CXADR: variants seen among roughly 807,000 people sequenced by gnomAD.
CXADR encodes the protein CXADR cell adhesion molecule, also known as coxsackievirus and adenovirus receptor.
In CXADR, 20 loss-of-function variants were observed where a neutral mutation model predicts 40.3. The observed-to-expected ratio is 0.50, with a 90% CI of 0.35 to 0.72. The LOEUF (loss-of-function observed/expected upper bound fraction) is 0.72. Ranked by LOEUF, CXADR falls within the 30% of genes least tolerant of loss-of-function variation. The pLI is 0.01. For missense variants in CXADR, 332 were observed against 449.1 expected (o/e 0.74, Z 2.36); for synonymous variants, 150 against 161.3 (o/e 0.93, Z 0.53).
intron 2 of CXADR, among the ~76,000 whole-genome samples, chr21:17,549,471 C>T (rs2060939053): frequency 6.6e-6 from 1 of 152,162 alleles, no homozygotes; most frequent in Non-Finnish European, 1.5e-5. Context: ...TGTACTGTGC[C>T]AAGTTAAATG....
intron 7 of CXADR, among the ~76,000 whole-genome samples, chr21:17,582,032 T>G (rs968143652): frequency 9.9e-5 from 5 of 50,480 alleles, no homozygotes; most frequent in Non-Finnish European, 1.1e-4. Context: ...ACCTCTGCCC[T>G]CCCGGGTTCA....
At chr21:17,630,130 A>G in the CXADR span, among the ~76,000 whole-genome samples, 2 of 152,354 alleles carry the variant, frequency 1.3e-5, no homozygotes, top group Non-Finnish European at 2.9e-5. Flanking sequence ...TGAATTAAAA[A>G]AAGACAGTCG....
At chr21:17,559,669 G>GTTTT (rs1447996912) in intron 4 of CXADR, among the ~76,000 whole-genome samples, 7 of 27,888 alleles carry the variant, frequency 2.5e-4, no homozygotes, top group African/African-American at 8.8e-4. Context: ...TTTTTTTTGG[G>GTTTT]TTTTTTTTTT....
intron 1 of CXADR, among the ~76,000 whole-genome samples, chr21:17,536,043 CTT>C (rs2060750834): frequency 6.6e-6 from 1 of 152,098 alleles, no homozygotes; most frequent in Non-Finnish European, 1.5e-5. Flanking sequence ...ATTTGTAAAA[CTT>C]TTCATTTTTT....
At position 17,556,068 on chromosome 21, in the gene CXADR, A is replaced by C. The variant is rs187629378; in HGVS notation, c.416-2908A>C. Among the ~76,000 whole-genome samples, 115 of 152,356 alleles carry C rather than the reference A, an allele frequency of 7.5e-4. 3 individuals are homozygous for C. Among genetic ancestry groups the C allele is most frequent in the Non-Finnish European group, 1.4e-3 (94 of 68,028 alleles). On this transcript the variant is annotated intron_variant, in intron 3 of 6. Transcript: ENST00000284878. ...TGTCCAACTACAACTTGATGGTCAC[A>C]TACCCATATCTGAGAAGGACTGTTG...
At chr21:17,518,875 C>G (rs2060493970) in intron 1 of CXADR, 2 of 1,565,972 alleles carry the variant, frequency 1.3e-6, no homozygotes, top group Non-Finnish European at 1.8e-6. Context: ...TTTTAGAGAA[C>G]TCTGAAGCTT....
intron 1 of CXADR, 137 bp downstream of exon 1, chr21:17,513,309 G>C: frequency 8.0e-6 from 7 of 874,992 alleles, no homozygotes; most frequent in Non-Finnish European, 1.1e-5. Context: ...GGCGGGGCGG[G>C]CAGAATTGCA....
intron 6 of CXADR, among the ~76,000 whole-genome samples, chr21:17,563,940 C>CAA (rs35020228): frequency 0.15 from 5,703 of 37,146 alleles, 933 homozygotes; most frequent in African/African-American, 0.28. Flanking sequence ...GACTCTGTCT[C>CAA]AAAAAAAAAA....
At chr21:17,524,045 T>TGTGC in intron 1 of CXADR, among the ~76,000 whole-genome samples, 1 of 140,868 alleles carries the variant, frequency 7.1e-6, no homozygotes, top group Non-Finnish European at 1.5e-5. Context: ...TGTGTGTGCG[T>TGTGC]GTGTGTGTGT....
chr21:17,635,229 A>G, the CXADR span, among the ~76,000 whole-genome samples: 2 of 152,240 alleles, frequency 1.3e-5, no homozygotes, highest in African/African-American at 4.8e-5. Context: ...TTAGTGGCAC[A>G]CAGAGCACTA....
At chr21:17,570,751 C>T (rs2061271372), downstream of CXADR, among the ~76,000 whole-genome samples, 1 of 152,124 alleles carries the variant, frequency 6.6e-6, no homozygotes, top group Admixed American at 6.5e-5. Context: ...CACAGATATT[C>T]GAACCAAAGT....
chr21:17,604,802 T>C, the CXADR span: 1 of 1,569,834 alleles, frequency 6.4e-7, no homozygotes, highest in Non-Finnish European at 8.6e-7. Flanking sequence ...CATGACAGAA[T>C]GTCATAAAAT....
Position 17,590,208 on chromosome 21 carries a change from A to C in CXADR, c.1018-2944A>C, listed in dbSNP as rs73211045. On this transcript the variant is annotated intron_variant, in intron 7 of 7. Coordinates refer to the CXADR transcript ENST00000400169. ...GATTATGTTTCTTAACTTTTATGGA[A>C]GAAATTTTTGTAGCTAGGTATTTTT... Among the ~76,000 whole-genome samples, 77 of 143,124 alleles carry C rather than the reference A, an allele frequency of 5.4e-4. 1 individual carries two copies. Among genetic ancestry groups the C allele is most frequent in the Middle Eastern group, 3.6e-3 (1 of 276 alleles). The allele number at this position is 143,124 out of a possible 152,430, so 93.9% of individuals were successfully genotyped here.
downstream of CXADR, among the ~76,000 whole-genome samples, chr21:17,575,073 A>G (rs1274972956): frequency 6.6e-6 from 1 of 151,862 alleles, no homozygotes; most frequent in African/African-American, 2.4e-5. Context: ...TTAGGGGTCC[A>G]ATGCTGTCAG....
At chr21:17,530,906 G>A (rs1258063708) in intron 1 of CXADR, among the ~76,000 whole-genome samples, 1 of 152,224 alleles carries the variant, frequency 6.6e-6, no homozygotes, top group African/African-American at 2.4e-5. Context: ...TGGAATTTCT[G>A]AGTCCTGTAG....
chr21:17,549,660 C>T (rs2060940975), intron 2 of CXADR, among the ~76,000 whole-genome samples: 1 of 152,126 alleles, frequency 6.6e-6, no homozygotes, highest in Non-Finnish European at 1.5e-5. Context: ...ATATTTATAA[C>T]ATTGTTTTCT....
At chr21:17,631,280 T>C in the CXADR span, among the ~76,000 whole-genome samples, 1 of 152,212 alleles carries the variant, frequency 6.6e-6, no homozygotes, top group Non-Finnish European at 1.5e-5. Context: ...AGTTCGTTGC[T>C]TTTATAGTCT....
intron 1 of CXADR, among the ~76,000 whole-genome samples, chr21:17,529,478 G>A (rs1403312055): frequency 2.0e-5 from 3 of 152,026 alleles, no homozygotes; most frequent in Non-Finnish European, 4.4e-5. Context: ...GTGCCACCAC[G>A]CCCTGCTAAT....
intron 1 of CXADR, among the ~76,000 whole-genome samples, chr21:17,546,309 A>G (rs1054195067): frequency 6.6e-5 from 10 of 152,230 alleles, no homozygotes; most frequent in African/African-American, 2.2e-4. Context: ...GAATTAATGT[A>G]GCCTTGAATT....
Sources: gnomAD v4.1 joint callset for allele counts (sites outside exome capture counted in the v4.1 genomes callset) on GRCh38, gnomAD v4.1.1 for gene constraint, MANE v1.5 for transcripts, NCBI Gene and HGNC (gene_info 2026-07-23, HGNC 2026-07-21) for gene names.